Variants in SSBP2 observed in about 807,000 individuals in gnomAD.
SSBP2 encodes the protein single-stranded DNA-binding protein 2.
In SSBP2, 17 loss-of-function variants were observed where a neutral mutation model predicts 61.8. The observed-to-expected ratio is 0.28, with a 90% CI of 0.19 to 0.41. SSBP2 has a LOEUF of 0.41. Among genes scored for constraint, SSBP2 ranks in the 10% least tolerant of loss-of-function variants. SSBP2 has a pLI of 1.00. For missense variants in SSBP2, 310 were observed against 458.7 expected (o/e 0.68, Z 2.96); for synonymous variants, 139 against 141.3 (o/e 0.98, Z 0.12).
At chr5:81,622,120 TAAA>T (rs76185243) in intron 3 of SSBP2, among the ~76,000 whole-genome samples, 5,707 of 127,038 alleles carry the variant, frequency 0.045, 158 homozygotes, top group South Asian at 0.13. Context: ...AAAAAAAAAT[TAAA>T]AAAAAAAAAA....
In SSBP2 at chr5:81,590,007, C is replaced by T. The variant is rs376828645; in HGVS notation, c.282+25466G>A. 3.2e-4 allele frequency among the ~76,000 whole-genome samples: 49 copies of T among 152,224 alleles called. No individual in the cohort carries two copies. The Middle Eastern group carries it at 0.01, about 32-fold the overall frequency. ...CACTGTTGCATTGAAGATTAAGTTTCCAACACAAACTTTTTAGGGGATACA... is the reference window on the plus strand; with the variant it reads ...CACTGTTGCATTGAAGATTAAGTTTTCAACACAAACTTTTTAGGGGATACA... On this transcript the variant is annotated intron_variant, in intron 4 of 16. Transcript: ENST00000320672.
chr5:81,614,735 T>G (rs1478571029), intron 4 of SSBP2, among the ~76,000 whole-genome samples: 1 of 152,158 alleles, frequency 6.6e-6, no homozygotes, highest in Non-Finnish European at 1.5e-5. Flanking sequence ...TGTCCCTCTT[T>G]TATGGTTAGT....
intron 4 of SSBP2, among the ~76,000 whole-genome samples, chr5:81,527,520 A>C (rs1770038719): frequency 6.6e-6 from 1 of 152,058 alleles, no homozygotes; most frequent in African/African-American, 2.4e-5. Context: ...GAAGGAGTGA[A>C]AGACAGGCAT....
At chr5:81,469,098 T>C (rs899380691) in intron 8 of SSBP2, among the ~76,000 whole-genome samples, 3 of 151,990 alleles carry the variant, frequency 2.0e-5, no homozygotes, top group Non-Finnish European at 4.4e-5. Context: ...TTTTATTTTA[T>C]CAAGGAAACC....
chr5:81,418,571 A>G lies in SSBP2; in HGVS notation c.*1933T>C, dbSNP rs1038902328. ...ATTCTGAGAAATGCATTGTCAGGCA[A>G]TATTGTCCTTGTCTGAACATCATAG... On this transcript the variant is annotated 3_prime_UTR_variant, in exon 17 of 17. Coordinates refer to ENST00000320672, the MANE Select transcript of SSBP2 (RefSeq NM_012446.5). The G allele has an allele frequency of 1.3e-5, 2 of 152,188 alleles. No individual in the cohort carries two copies. The highest frequency in any genetic ancestry group is 4.8e-5 in the African/African-American group (2 of 41,434). 9.4% of individuals were successfully genotyped at this position (152,188 alleles called of 1,614,324 possible). A position where few individuals can be genotyped will look rare whatever the true frequency, so the allele number is the denominator to read the frequency against.
At chr5:81,666,574 C>T (rs1333543975) in intron 1 of SSBP2, among the ~76,000 whole-genome samples, 3 of 152,026 alleles carry the variant, frequency 2.0e-5, no homozygotes, top group Non-Finnish European at 4.4e-5. Flanking sequence ...CTGAAAAGGG[C>T]AAAGGCATAA....
intron 5 of SSBP2, among the ~76,000 whole-genome samples, chr5:81,490,110 G>A (rs990928642): frequency 4.6e-5 from 7 of 151,534 alleles, no homozygotes; most frequent in Non-Finnish European, 8.8e-5. Flanking sequence ...ATTATGAAGC[G>A]TATATTTTTA....
intron 1 of SSBP2, among the ~76,000 whole-genome samples, chr5:81,697,554 ACT>A (rs1466349704): frequency 2.0e-5 from 3 of 152,236 alleles, no homozygotes; most frequent in Admixed American, 6.5e-5. Flanking sequence ...AAATAAAACC[ACT>A]GTTTCAAGAA....
chr5:81,735,659 G>A (rs1024847527), intron 1 of SSBP2, among the ~76,000 whole-genome samples: 3 of 151,738 alleles, frequency 2.0e-5, no homozygotes, highest in Non-Finnish European at 2.9e-5. Context: ...TTGAATCCTC[G>A]GATGTAGAAC....
At chr5:81,696,725 C>T (rs1008979703) in intron 1 of SSBP2, among the ~76,000 whole-genome samples, 8 of 152,182 alleles carry the variant, frequency 5.3e-5, no homozygotes, top group Admixed American at 1.3e-4. Flanking sequence ...TTTTGAAAGG[C>T]AACCTATTTA....
chr5:81,427,563 A>G (rs1158322782), intron 16 of SSBP2, among the ~76,000 whole-genome samples: 1 of 152,190 alleles, frequency 6.6e-6, no homozygotes, highest in East Asian at 1.9e-4. Flanking sequence ...TAGACGTGCT[A>G]TTAGCCAGTG....
At chr5:81,711,458 G>A (rs1037821331) in intron 1 of SSBP2, among the ~76,000 whole-genome samples, 1 of 152,068 alleles carries the variant, frequency 6.6e-6, no homozygotes, top group Non-Finnish European at 1.5e-5. Flanking sequence ...TAAAAAAGCA[G>A]GAGGCAATCT....
At chr5:81,647,750 A>G (rs1235008352) in intron 2 of SSBP2, among the ~76,000 whole-genome samples, 6 of 152,166 alleles carry the variant, frequency 3.9e-5, no homozygotes. Flanking sequence ...TGAAATAATG[A>G]CAAATACTTG....
At chr5:81,476,665 C>A (rs1003485257) in intron 6 of SSBP2, among the ~76,000 whole-genome samples, 1 of 152,156 alleles carries the variant, frequency 6.6e-6, no homozygotes, top group African/African-American at 2.4e-5. Context: ...GGTTTCTACA[C>A]AGTAATTGAT....
intron 16 of SSBP2, among the ~76,000 whole-genome samples, chr5:81,425,082 CTTATT>C (rs1190505389): frequency 1.3e-5 from 2 of 152,152 alleles, no homozygotes; most frequent in Admixed American, 6.5e-5. Flanking sequence ...TGTATACCAA[CTTATT>C]TTATCTTTTA....
intron 4 of SSBP2, among the ~76,000 whole-genome samples, chr5:81,534,279 C>T (rs536166004): frequency 7.0e-4 from 106 of 152,190 alleles, no homozygotes; most frequent in African/African-American, 2.4e-3. Flanking sequence ...ACAGCAGTTC[C>T]TTTTACCCAG....
In SSBP2 at chr5:81,747,043, G is replaced by A. The variant is rs565273195; in HGVS notation, c.62+3938C>T. On this transcript the variant is annotated intron_variant, in intron 1 of 16. Transcript: ENST00000320672. The stretch of plus-strand genomic sequence containing the variant: ...TTCCTGGGGGGGGGGGGAATCTGAA[G>A]AAACAAGTTTTCGTCATTATGTTAG... Among the ~76,000 whole-genome samples the A allele has an allele frequency of 1.7e-3, 211 of 121,860 alleles. 3 individuals carry two copies. The South Asian group carries it at 0.037, about 21-fold the overall frequency. 79.9% of individuals were successfully genotyped at this position (121,860 alleles called of 152,430 possible).
intron 5 of SSBP2, among the ~76,000 whole-genome samples, chr5:81,504,783 T>A (rs562597817): frequency 6.6e-6 from 1 of 152,366 alleles, no homozygotes; most frequent in South Asian, 2.1e-4. Flanking sequence ...TTTCTATTTA[T>A]CTTGTTCACT....
intron 5 of SSBP2, among the ~76,000 whole-genome samples, chr5:81,498,591 G>A (rs1197412653): frequency 6.6e-6 from 1 of 151,880 alleles, no homozygotes; most frequent in Non-Finnish European, 1.5e-5. Flanking sequence ...TTAACCAAAA[G>A]CATAAACATT....
Sources: gnomAD v4.1 joint callset for allele counts (sites outside exome capture counted in the v4.1 genomes callset) on GRCh38, gnomAD v4.1.1 for gene constraint, MANE v1.5 for transcripts, NCBI Gene and HGNC (gene_info 2026-07-23, HGNC 2026-07-21) for gene names.